The following LHFPL4 variants were observed in gnomAD, a reference collection of about 807,000 sequenced individuals.
LHFPL4 encodes the protein LHFPL tetraspan subfamily member 4, also known as LHFPL tetraspan subfamily member 4 protein.
A neutral mutation model predicts 20.0 loss-of-function variants in LHFPL4; 6 were observed. The ratio of observed to expected loss-of-function variants is 0.30; its 90% confidence interval spans 0.16 to 0.59. The LOEUF is 0.59. LHFPL4 is among the 20% of genes least tolerant of loss of function. The pLI, the probability that LHFPL4 is intolerant of heterozygous loss-of-function variation, is 0.88. For missense variants in LHFPL4, 215 were observed against 331.2 expected, an observed-to-expected ratio of 0.65 and a Z score of 2.72; for synonymous variants, 129 against 143.8, an observed-to-expected ratio of 0.90 and a Z score of 0.74.
At chr3:9,522,743 C>CAAAAA (rs1219265403) in intron 2 of LHFPL4, among the ~76,000 whole-genome samples, 1 of 122,490 alleles carries the variant, frequency 8.2e-6, no homozygotes, top group Non-Finnish European at 1.7e-5. Context: ...AACTCTGTCT[C>CAAAAA]AAAAAAAAAA....
At chr3:9,534,950 G>A (rs1284874712) in intron 2 of LHFPL4, among the ~76,000 whole-genome samples, 1 of 151,972 alleles carries the variant, frequency 6.6e-6, no homozygotes, top group Non-Finnish European at 1.5e-5. Context: ...AAGAGGGAGG[G>A]GAAGACGAAA....
chr3:9,507,111 C>T (rs1015846291), intron 2 of LHFPL4, among the ~76,000 whole-genome samples: 1 of 152,178 alleles, frequency 6.6e-6, no homozygotes, highest in Non-Finnish European at 1.5e-5. Flanking sequence ...CAGTCAATAC[C>T]ATTGTACTTA....
At chr3:9,519,530 C>T (rs1415152473) in intron 2 of LHFPL4, among the ~76,000 whole-genome samples, 1 of 152,128 alleles carries the variant, frequency 6.6e-6, no homozygotes, top group African/African-American at 2.4e-5. Flanking sequence ...ACCTGATGCT[C>T]TAACTTTTGT....
chr3:9,507,574 C>T (rs961497572), intron 2 of LHFPL4, among the ~76,000 whole-genome samples: 2 of 152,200 alleles, frequency 1.3e-5, no homozygotes, highest in African/African-American at 4.8e-5. Context: ...GAAAGTAATT[C>T]GGAGAGTTGG....
At chr3:9,547,548 G>A (rs543604474) in intron 2 of LHFPL4, among the ~76,000 whole-genome samples, 1 of 152,354 alleles carries the variant, frequency 6.6e-6, no homozygotes, top group African/African-American at 2.4e-5. Context: ...TTCACTAAAT[G>A]TGTGACCTTG....
chr3:9,524,202 TTTTG>T (rs1044524459), intron 2 of LHFPL4, among the ~76,000 whole-genome samples: 9 of 151,954 alleles, frequency 5.9e-5, no homozygotes, highest in Admixed American at 3.3e-4. Flanking sequence ...GTGTAGGGTT[TTTTG>T]TTTGTTTGTT....
chr3:9,540,509 A>C (rs2046470527), intron 2 of LHFPL4, among the ~76,000 whole-genome samples: 1 of 152,236 alleles, frequency 6.6e-6, no homozygotes, highest in African/African-American at 2.4e-5. Context: ...CATAAAAGGC[A>C]GTGTGATAGC....
chr3:9,507,663 G>A (rs891562822), intron 2 of LHFPL4, among the ~76,000 whole-genome samples: 8 of 152,250 alleles, frequency 5.3e-5, no homozygotes, highest in Admixed American at 1.3e-4. Flanking sequence ...TCCCTAGCTA[G>A]CATCCACCTG....
Position 9,509,536 on chromosome 3 carries a change from G to A in LHFPL4, c.407-3333C>T, listed in dbSNP as rs141381448. On this transcript the variant is annotated intron_variant, in intron 2 of 3. Transcript: ENST00000287585. The stretch of plus-strand genomic sequence containing the variant: ...GTGTCTGTCTTCAGGGCAGAGGCGT[G>A]TGGGAAGGAATACAGCCAACAAGTC... 1.4e-4 allele frequency among the ~76,000 whole-genome samples: 21 copies of A among 152,300 alleles called. No individual in the cohort carries two copies. The East Asian group carries it at 3.3e-3, about 24-fold the overall frequency.
Position 9,506,952 on chromosome 3 carries a change from C to T in LHFPL4, c.407-749G>A, listed in dbSNP as rs981244877. On this transcript the variant is annotated intron_variant, in intron 2 of 3. Coordinates refer to ENST00000287585, the MANE Select transcript of LHFPL4 (RefSeq NM_198560.3). The surrounding 1 kb of genome is among the most constrained non-coding windows in gnomAD (Gnocchi z 4.5). ...TTGGGCACCATTTTCCTTTTATTCA[C>T]GATGCTAGAATATACTTTCATTCAT... Among the ~76,000 whole-genome samples the T allele has an allele frequency of 2.6e-5, 4 of 152,176 alleles. No homozygotes were observed. The highest frequency in any genetic ancestry group is 5.9e-5 in the Non-Finnish European group (4 of 68,030).
At chr3:9,550,521 T>C (rs372823846) in intron 2 of LHFPL4, 4 of 152,172 alleles carry the variant, frequency 2.6e-5, no homozygotes, top group African/African-American at 9.6e-5. Context: ...TCTATTATTA[T>C]ATGGGGGTTG....
rs917072095 is a variant in LHFPL4, at chr3:9,501,842, G to T, written c.*369C>A. 1 of 218,778 alleles carries T rather than the reference G, an allele frequency of 4.6e-6. No individual in the cohort carries two copies. The highest frequency in any genetic ancestry group is 2.3e-5 in the African/African-American group (1 of 43,812). The allele number at this position is 218,778 out of a possible 1,614,324, so 13.6% of individuals were successfully genotyped here. ...AGAAGAGGTGCGGATACAGCCAGGC[G>T]GCAGCCCTCCAGACTGAGGGGGCCT... On this transcript the variant is annotated 3_prime_UTR_variant, in exon 4 of 4. Transcript: ENST00000287585.
chr3:9,543,285 A>C (rs1233302853), intron 2 of LHFPL4, among the ~76,000 whole-genome samples: 1 of 151,968 alleles, frequency 6.6e-6, no homozygotes, highest in Non-Finnish European at 1.5e-5. Flanking sequence ...GCGGATCACG[A>C]GGTCAGGAGA....
chr3:9,539,169 C>G (rs1014814733), intron 2 of LHFPL4, among the ~76,000 whole-genome samples: 1 of 152,078 alleles, frequency 6.6e-6, no homozygotes, highest in Non-Finnish European at 1.5e-5. Context: ...TTAAATTCCT[C>G]TGGGGCTGGG....
chr3:9,516,781 CTTTTTTTTTTTT>C (rs574431292), intron 2 of LHFPL4, among the ~76,000 whole-genome samples: 1 of 111,900 alleles, frequency 8.9e-6, no homozygotes, highest in Non-Finnish European at 1.7e-5. Flanking sequence ...GCCACACAAT[CTTTTTTTTTTTT>C]TTTTTTTTTG....
chr3:9,543,224 G>A lies in LHFPL4; in HGVS notation c.406+9050C>T, dbSNP rs374659238. On this transcript the variant is annotated intron_variant, in intron 2 of 3. Transcript: ENST00000287585. ...TGAACTTAAAAGTGGGTCCTCGGCC[G>A]GGCATGGTGGCTCACGCCTGTAATC... 3.1e-3 allele frequency among the ~76,000 whole-genome samples: 476 copies of A among 151,878 alleles called. 1 individual carries two copies. The highest frequency in any genetic ancestry group is 0.01 in the African/African-American group (425 of 41,394).
At chr3:9,552,133 C>CT in intron 2 of LHFPL4, 141 bp downstream of exon 2, 1 of 1,111,060 alleles carries the variant, frequency 9.0e-7, no homozygotes. Context: ...CCAATACCCA[C>CT]TGAGGGTCCG....
At chr3:9,549,659 T>G (rs1051969630) in intron 2 of LHFPL4, among the ~76,000 whole-genome samples, 4 of 152,166 alleles carry the variant, frequency 2.6e-5, no homozygotes, top group Non-Finnish European at 4.4e-5. Context: ...ATCATGCCAT[T>G]GCACTCCAGC....
At chr3:9,543,358 G>A (rs2046489859) in intron 2 of LHFPL4, among the ~76,000 whole-genome samples, 1 of 152,116 alleles carries the variant, frequency 6.6e-6, no homozygotes, top group Non-Finnish European at 1.5e-5. Flanking sequence ...AAAATTAGCT[G>A]GGCGTGGTGG....
Sources: allele counts gnomAD v4.1 joint callset (sites outside exome capture counted in the v4.1 genomes callset), GRCh38; gene constraint gnomAD v4.1.1; non-coding constraint Gnocchi (gnomAD v3.1); transcripts MANE v1.5; gene names NCBI Gene and HGNC (gene_info 2026-07-23, HGNC 2026-07-21).